PAK5: variants seen among roughly 807,000 people sequenced by gnomAD.
PAK5 encodes serine/threonine-protein kinase PAK 5.
Under a neutral mutation model 65.9 loss-of-function variants are expected in PAK5, and 16 were observed. The ratio of observed to expected loss-of-function variants is 0.24; its 90% CI spans 0.16 to 0.37. The LOEUF (loss-of-function observed/expected upper bound fraction) is 0.37. PAK5 is among the 10% of genes least tolerant of loss of function. The pLI is 1.00. For synonymous variants in PAK5, 371 were observed against 354.9 expected, an observed-to-expected ratio of 1.05 and a Z score of -0.51; for missense variants, 785 against 903.9, an observed-to-expected ratio of 0.87 and a Z score of 1.69.
chr20:9,718,282 T>C (rs921885002), intron 1 of PAK5, among the ~76,000 whole-genome samples: 1 of 152,102 alleles, frequency 6.6e-6, no homozygotes, highest in Non-Finnish European at 1.5e-5. Context: ...GCATGCTTTT[T>C]TCCCCTCCTC....
rs115969862 is a variant in PAK5, at chr20:9,574,380, C to T, written c.990+5765G>A. 2.2e-3 allele frequency among the ~76,000 whole-genome samples: 332 copies of T among 152,288 alleles called. 3 individuals are homozygous for T. The highest frequency in any genetic ancestry group is 7.6e-3 in the African/African-American group (316 of 41,554). ...GAATTGGCATATCCAATTAACCCCCCACAGTTGCTGCTTCAAACTCAAAGA... is the reference window on the plus strand; with the variant it reads ...GAATTGGCATATCCAATTAACCCCCTACAGTTGCTGCTTCAAACTCAAAGA... On this transcript the variant is annotated intron_variant, in intron 4 of 9. Coordinates refer to ENST00000353224, the MANE Select transcript of PAK5 (RefSeq NM_177990.4).
intron 4 of PAK5, among the ~76,000 whole-genome samples, 197 bp downstream of exon 4, chr20:9,579,948 A>T (rs1337607656): frequency 1.3e-5 from 2 of 152,214 alleles, no homozygotes; most frequent in East Asian, 3.8e-4. Context: ...ATAGATTTTT[A>T]TTTTAATGAA....
chr20:9,700,002 T>C, intron 2 of PAK5, among the ~76,000 whole-genome samples: 1 of 152,190 alleles, frequency 6.6e-6, no homozygotes, highest in Admixed American at 6.5e-5. Context: ...CACCAAAGAT[T>C]AATTTTGCCA....
intron 1 of PAK5, among the ~76,000 whole-genome samples, chr20:9,799,513 T>A (rs2049143189): frequency 6.6e-6 from 1 of 152,134 alleles, no homozygotes. Flanking sequence ...TGTGTGTGGT[T>A]GAATATCAGT....
intron 1 of PAK5, among the ~76,000 whole-genome samples, chr20:9,810,438 G>A (rs982467426): frequency 2.0e-5 from 3 of 152,104 alleles, no homozygotes; most frequent in African/African-American, 7.2e-5. Context: ...GCCAGGAAGT[G>A]TGCACCTGAC....
chr20:9,721,824 G>A (rs1359440230), intron 1 of PAK5, among the ~76,000 whole-genome samples: 1 of 151,930 alleles, frequency 6.6e-6, no homozygotes, highest in Non-Finnish European at 1.5e-5. Flanking sequence ...CCAGGTAAAG[G>A]TAATATTTAG....
intron 4 of PAK5, among the ~76,000 whole-genome samples, chr20:9,574,110 T>C (rs905382601): frequency 2.6e-5 from 4 of 152,192 alleles, no homozygotes; most frequent in Non-Finnish European, 5.9e-5. Flanking sequence ...GTAAGAATTC[T>C]GGAGAGAATC....
intron 4 of PAK5, among the ~76,000 whole-genome samples, chr20:9,567,612 C>T (rs2045703958): frequency 1.3e-5 from 2 of 152,212 alleles, no homozygotes; most frequent in South Asian, 2.1e-4. Flanking sequence ...CCATGCAGCA[C>T]ATTCATTCAT....
intron 3 of PAK5, among the ~76,000 whole-genome samples, chr20:9,623,904 C>T (rs2123197885): frequency 6.6e-6 from 1 of 152,272 alleles, no homozygotes; most frequent in South Asian, 2.1e-4. Flanking sequence ...AATACCAGGG[C>T]ATGGTGAGAA....
chr20:9,809,826 A>G (rs771982130), intron 1 of PAK5, among the ~76,000 whole-genome samples: 27 of 152,158 alleles, frequency 1.8e-4, no homozygotes, highest in Non-Finnish European at 3.2e-4. Context: ...CACTCTTCGG[A>G]GAATACTACT....
intron 1 of PAK5, among the ~76,000 whole-genome samples, chr20:9,814,926 A>C (rs1600403758): frequency 6.6e-6 from 1 of 152,102 alleles, no homozygotes; most frequent in East Asian, 1.9e-4. Flanking sequence ...TATTTGGCTC[A>C]TGGTTCTGCA....
intron 3 of PAK5, among the ~76,000 whole-genome samples, chr20:9,587,683 G>A (rs1425276242): frequency 6.6e-6 from 1 of 151,992 alleles, no homozygotes; most frequent in Non-Finnish European, 1.5e-5. Flanking sequence ...GTCTGGGTGG[G>A]GCCTGGGATG....
chr20:9,568,003 G>A (rs1311444770), intron 4 of PAK5, among the ~76,000 whole-genome samples: 1 of 152,190 alleles, frequency 6.6e-6, no homozygotes, highest in South Asian at 2.1e-4. Flanking sequence ...AGGATTCTGA[G>A]GCAGATCCAG....
chr20:9,598,845 T>C (rs2046314878), intron 3 of PAK5, among the ~76,000 whole-genome samples: 1 of 152,208 alleles, frequency 6.6e-6, no homozygotes. Context: ...TGCTTATTGT[T>C]TTAAACTCTT....
intron 1 of PAK5, among the ~76,000 whole-genome samples, chr20:9,712,232 G>T (rs994997775): frequency 6.6e-6 from 1 of 152,102 alleles, no homozygotes; most frequent in Non-Finnish European, 1.5e-5. Context: ...CACAAATAAT[G>T]AGAATCAACT....
chr20:9,672,825 A>G (rs895162946), intron 2 of PAK5, among the ~76,000 whole-genome samples: 1 of 152,192 alleles, frequency 6.6e-6, no homozygotes, highest in Non-Finnish European at 1.5e-5. Flanking sequence ...GATAGGAAGT[A>G]TAGATACAAA....
At chr20:9,594,006 C>G (rs1294994465) in intron 3 of PAK5, among the ~76,000 whole-genome samples, 1 of 152,218 alleles carries the variant, frequency 6.6e-6, no homozygotes, top group African/African-American at 2.4e-5. Flanking sequence ...GCTTCAATTG[C>G]AGGGGCTCCC....
intron 3 of PAK5, among the ~76,000 whole-genome samples, chr20:9,641,010 C>G (rs2047051562): frequency 6.6e-6 from 1 of 152,166 alleles, no homozygotes; most frequent in African/African-American, 2.4e-5. Context: ...TGCTTTTATT[C>G]TTTTATCTGG....
chr20:9,747,233 C>T (rs2048519011), intron 1 of PAK5, among the ~76,000 whole-genome samples: 1 of 152,172 alleles, frequency 6.6e-6, no homozygotes, highest in Non-Finnish European at 1.5e-5. Flanking sequence ...CAGATGGATT[C>T]ACAGCCGAAT....
Sources: gnomAD v4.1 joint callset for allele counts (sites outside exome capture counted in the v4.1 genomes callset) on GRCh38, gnomAD v4.1.1 for gene constraint, MANE v1.5 for transcripts, NCBI Gene and HGNC (gene_info 2026-07-23, HGNC 2026-07-21) for gene names.